Variants in APOBEC2 observed in about 807,000 individuals in gnomAD.
APOBEC2 encodes the protein C->U-editing enzyme APOBEC-2.
Under a neutral mutation model 19.4 loss-of-function variants are expected in APOBEC2, and 14 were observed. The ratio of observed to expected loss-of-function variants is 0.72; its 90% CI spans 0.48 to 1.13. The LOEUF (loss-of-function observed/expected upper bound fraction) is 1.13. Among genes scored for constraint, APOBEC2 ranks in the 50% most tolerant of loss-of-function variants. The pLI is 0.00. For missense variants in APOBEC2, 304 were observed against 277.0 expected (o/e 1.10, Z -0.69); for synonymous variants, 127 against 112.1 (o/e 1.13, Z -0.84).
chr6:41,058,216 T>C (rs1474234749), intron 1 of APOBEC2, among the ~76,000 whole-genome samples: 7 of 113,890 alleles, frequency 6.1e-5, no homozygotes, highest in Non-Finnish European at 1.2e-4. Flanking sequence ...AGTGACTGGA[T>C]CAGGGAAAGA....
At chr6:41,061,145 ATTT>A (rs1762865062) in intron 1 of APOBEC2, among the ~76,000 whole-genome samples, 180 bp from the exon 2 acceptor site, 1 of 131,126 alleles carries the variant, frequency 7.6e-6, no homozygotes, top group Non-Finnish European at 1.6e-5. Context: ...ACCCTTCTGG[ATTT>A]TTTAATGCTT....
At chr6:41,059,540 T>C (rs553986167) in intron 1 of APOBEC2, among the ~76,000 whole-genome samples, 14 of 152,254 alleles carry the variant, frequency 9.2e-5, no homozygotes, top group African/African-American at 3.4e-4. Context: ...TCCATTCTCC[T>C]AAAATGTTAA....
At position 41,064,824 on chromosome 6, in the gene APOBEC2, A is replaced by T. The variant is rs768724421; in HGVS notation, c.*745A>T. On this transcript the variant is annotated 3_prime_UTR_variant, in exon 3 of 3. Coordinates refer to ENST00000244669, the MANE Select transcript of APOBEC2 (RefSeq NM_006789.4). ...TATTAGAGAGGAGCGGGTGAAAAGT[A>T]GTAGTTTAATGTTCAGATATACAAT... 4 of 152,242 alleles carry T rather than the reference A, an allele frequency of 2.6e-5. No individual in the cohort carries two copies. Among genetic ancestry groups the T allele is most frequent in the Non-Finnish European group, 5.9e-5 (4 of 68,046 alleles). 9.4% of individuals were successfully genotyped at this position (152,242 alleles called of 1,614,324 possible).
At chr6:41,063,121 G>C (rs563821933) in intron 2 of APOBEC2, among the ~76,000 whole-genome samples, 61 of 152,306 alleles carry the variant, frequency 4.0e-4, no homozygotes, top group African/African-American at 1.4e-3. Context: ...GATGTTGGCA[G>C]GTGTTTTCTA....
chr6:41,056,994 G>GAAGTGAC (rs1020648401), intron 1 of APOBEC2, among the ~76,000 whole-genome samples: 2 of 152,202 alleles, frequency 1.3e-5, no homozygotes, highest in Non-Finnish European at 2.9e-5. Context: ...AACCCAGTGA[G>GAAGTGAC]AAGTGACTGT....
At chr6:41,055,692 C>T (rs1446841934) in intron 1 of APOBEC2, among the ~76,000 whole-genome samples, 1 of 152,186 alleles carries the variant, frequency 6.6e-6, no homozygotes, top group Non-Finnish European at 1.5e-5. Flanking sequence ...AGATGCCCAG[C>T]TCATAGCGAT....
chr6:41,055,227 C>T (rs928026293), intron 1 of APOBEC2, among the ~76,000 whole-genome samples: 1 of 152,120 alleles, frequency 6.6e-6, no homozygotes, highest in African/African-American at 2.4e-5. Context: ...ATTCTGGATC[C>T]CAGGTTTCCC....
At position 41,053,289 on chromosome 6, in the gene APOBEC2, G is replaced by C; in HGVS notation, c.-59G>C. On this transcript the variant is annotated 5_prime_UTR_variant, in exon 1 of 3. Coordinates refer to ENST00000244669, the MANE Select transcript of APOBEC2 (RefSeq NM_006789.4). Reference sequence around the variant, plus strand: ...GCTTGGGACTCTGCCGCCAGGGCCTGGCCCAGACCTGCCTGCCTCTCTCCT... The same window carrying C: ...GCTTGGGACTCTGCCGCCAGGGCCTCGCCCAGACCTGCCTGCCTCTCTCCT... The C allele has an allele frequency of 1.9e-6, 3 of 1,582,388 alleles. No homozygotes were observed. The South Asian group carries it at 3.4e-5, about 18-fold the overall frequency.
intron 1 of APOBEC2, among the ~76,000 whole-genome samples, chr6:41,056,456 A>C (rs894349469): frequency 1.3e-5 from 2 of 152,220 alleles, no homozygotes; most frequent in African/African-American, 4.8e-5. Context: ...AAAACCTTAG[A>C]AGTTAGATTA....
In APOBEC2 at chr6:41,061,847, G is replaced by A; in HGVS notation, c.651G>A (p.Glu217=). 1 of 1,613,646 alleles carries A rather than the reference G, an allele frequency of 6.2e-7. No individual in the cohort carries two copies. Residue 217 remains glutamate, a synonymous_variant, in exon 2 of 3, where the codon GAG becomes GAA. Transcript: ENST00000244669. ...AGGAGAACTTCCTATACTACGAGGA[G>A]AAGTTGGCAGACATCCTGAAGTAGG... ...DIQENFLYYE[E]KLADILK is the part of the protein sequence containing the mutation.
chr6:41,053,740 C>T (rs1027056925), intron 1 of APOBEC2, among the ~76,000 whole-genome samples: 12 of 152,122 alleles, frequency 7.9e-5, no homozygotes, highest in African/African-American at 2.2e-4. Flanking sequence ...AATAAAACCA[C>T]CCTTCAGGCC....
chr6:41,060,332 A>G (rs907116344), intron 1 of APOBEC2, among the ~76,000 whole-genome samples: 2 of 152,174 alleles, frequency 1.3e-5, no homozygotes, highest in African/African-American at 4.8e-5. Context: ...CAAGACTGTA[A>G]TCTTGCATGG....
Position 41,064,783 on chromosome 6 carries a change from A to G in APOBEC2, c.*704A>G, listed in dbSNP as rs973396915. 1 of 152,250 alleles carries G rather than the reference A, an allele frequency of 6.6e-6. No homozygotes were observed. Among genetic ancestry groups the G allele is most frequent in the Non-Finnish European group, 1.5e-5 (1 of 68,048 alleles). 9.4% of individuals were successfully genotyped at this position (152,250 alleles called of 1,614,324 possible). ...AGCCACATCCCAAATGCCAGTTAAT[A>G]AGCAACTAGCTTCTTTATTAGAGAG... is the stretch of plus-strand genomic sequence containing the variant. On this transcript the variant is annotated 3_prime_UTR_variant, in exon 3 of 3. Transcript: ENST00000244669.
chr6:41,057,124 C>T (rs569166145), intron 1 of APOBEC2, among the ~76,000 whole-genome samples: 1 of 152,300 alleles, frequency 6.6e-6, no homozygotes, highest in African/African-American at 2.4e-5. Context: ...AGATAAATGG[C>T]ACACAGAGTG....
chr6:41,057,205 T>C (rs959706302), intron 1 of APOBEC2, among the ~76,000 whole-genome samples: 1 of 152,186 alleles, frequency 6.6e-6, no homozygotes, highest in Non-Finnish European at 1.5e-5. Flanking sequence ...AGAGAGGCAG[T>C]GTCCAGAGGA....
intron 2 of APOBEC2, among the ~76,000 whole-genome samples, chr6:41,062,581 A>T (rs938540494): frequency 6.6e-6 from 1 of 152,244 alleles, no homozygotes; most frequent in East Asian, 1.9e-4. Context: ...AGGAATGGGG[A>T]TAATATAGCA....
chr6:41,062,287 C>T (rs534012560), intron 2 of APOBEC2, among the ~76,000 whole-genome samples: 1 of 152,234 alleles, frequency 6.6e-6, no homozygotes, highest in Non-Finnish European at 1.5e-5. Context: ...TTCCAGACAT[C>T]TTCTAGATGC....
At chr6:41,054,331 A>G (rs899793995) in intron 1 of APOBEC2, among the ~76,000 whole-genome samples, 1 of 152,234 alleles carries the variant, frequency 6.6e-6, no homozygotes, top group Non-Finnish European at 1.5e-5. Context: ...CTATGAGGCC[A>G]TATTTCCTCC....
chr6:41,056,610 T>C lies in APOBEC2; in HGVS notation c.131+3132T>C, dbSNP rs567391963. Among the ~76,000 whole-genome samples, 15 of 152,366 alleles carry C rather than the reference T, an allele frequency of 9.8e-5. No individual in the cohort carries two copies. The East Asian group carries it at 2.3e-3, about 23-fold the overall frequency. ...CCAAAAAACCAGAGAGGATTCTTTTTATATTTACTGAATAAGAGTTTTTCA... is the reference window on the plus strand; with the variant it reads ...CCAAAAAACCAGAGAGGATTCTTTTCATATTTACTGAATAAGAGTTTTTCA... On this transcript the variant is annotated intron_variant, in intron 1 of 2. Transcript: ENST00000244669.
Sources: gnomAD v4.1 joint callset for allele counts (sites outside exome capture counted in the v4.1 genomes callset) on GRCh38, gnomAD v4.1.1 for gene constraint, MANE v1.5 for transcripts, NCBI Gene and HGNC (gene_info 2026-07-23, HGNC 2026-07-21) for gene names.